Variants in MCF2L2 observed in about 807,000 individuals in gnomAD.
MCF2L2 encodes the protein probable guanine nucleotide exchange factor MCF2L2.
MCF2L2 carries 102 observed loss-of-function variants against 150.2 expected under a neutral mutation model. That is an observed-to-expected ratio of 0.68 (90% CI 0.58 to 0.80). The LOEUF is 0.80. Among genes scored for constraint, MCF2L2 ranks in the 30% least tolerant of loss-of-function variants. The pLI, the probability that MCF2L2 is intolerant of heterozygous loss-of-function variation, is 0.00. For synonymous variants in MCF2L2, 465 were observed against 491.3 expected (o/e 0.95, Z 0.71); for missense variants, 1,256 against 1,372.8 (o/e 0.91, Z 1.34).
intron 5 of MCF2L2, among the ~76,000 whole-genome samples, chr3:183,326,864 G>A (rs1577065675): frequency 6.6e-6 from 1 of 151,974 alleles, no homozygotes; most frequent in South Asian, 2.1e-4. Context: ...CTGAACCCCG[G>A]CAAACACTAA....
intron 27 of MCF2L2, among the ~76,000 whole-genome samples, chr3:183,186,588 G>A (rs1721703255): frequency 6.6e-6 from 1 of 152,216 alleles, no homozygotes. Context: ...TTAGCGAGGT[G>A]TGGTGGTGGG....
intron 1 of MCF2L2, among the ~76,000 whole-genome samples, chr3:183,390,771 C>T (rs1213205710): frequency 1.3e-5 from 2 of 152,116 alleles, no homozygotes; most frequent in Non-Finnish European, 2.9e-5. Context: ...GTGATGTATG[C>T]CTGCGGTCCC....
intron 1 of MCF2L2, among the ~76,000 whole-genome samples, chr3:183,391,066 A>G (rs1240420590): frequency 6.6e-6 from 1 of 152,146 alleles, no homozygotes; most frequent in East Asian, 1.9e-4. Context: ...TAACATTATG[A>G]TATTCTAGTG....
intron 15 of MCF2L2, chr3:183,269,803 G>A (rs115825683): frequency 0.011 from 17,317 of 1,602,328 alleles, 129 homozygotes; most frequent in Middle Eastern, 0.023. Context: ...GTGGATATGA[G>A]AATGTTGGTT....
chr3:183,250,314 G>A (rs550129304), intron 15 of MCF2L2, among the ~76,000 whole-genome samples: 3 of 152,198 alleles, frequency 2.0e-5, no homozygotes, highest in Non-Finnish European at 4.4e-5. Flanking sequence ...GGCTGGGAGC[G>A]GTGGTTCACG....
chr3:183,299,309 A>C (rs1728720223), intron 11 of MCF2L2: 1 of 152,274 alleles, frequency 6.6e-6, no homozygotes. Flanking sequence ...CTGCACCAGA[A>C]TCATTTAGAC....
chr3:183,285,227 G>A (rs1002803035), intron 14 of MCF2L2, among the ~76,000 whole-genome samples: 6 of 152,222 alleles, frequency 3.9e-5, no homozygotes, highest in Non-Finnish European at 7.3e-5. Context: ...GTCAGGTACA[G>A]TGCTAGCTGC....
intron 15 of MCF2L2, chr3:183,265,269 C>T (rs977232835): frequency 6.6e-6 from 1 of 152,264 alleles, no homozygotes; most frequent in Non-Finnish European, 1.5e-5. Context: ...GTTGATTGGC[C>T]ACTGACCCGT....
chr3:183,358,059 G>A (rs1711895051), intron 3 of MCF2L2, among the ~76,000 whole-genome samples: 1 of 152,116 alleles, frequency 6.6e-6, no homozygotes, highest in Non-Finnish European at 1.5e-5. Flanking sequence ...AGGCCGAGAA[G>A]GGCAGATGAC....
chr3:183,276,997 G>T, intron 14 of MCF2L2, 40 bp from the exon 15 acceptor site: 1 of 1,319,026 alleles, frequency 7.6e-7, no homozygotes. Context: ...GATATTGTAG[G>T]GACCTCCTAA....
intron 26 of MCF2L2, among the ~76,000 whole-genome samples, chr3:183,193,592 G>T (rs13314079): frequency 0.033 from 4,989 of 152,042 alleles, 273 homozygotes; most frequent in African/African-American, 0.11. Flanking sequence ...CTTGTGATCC[G>T]CCCGCCTTGG....
At chr3:183,238,529 G>A (rs890526606) in intron 15 of MCF2L2, among the ~76,000 whole-genome samples, 4 of 151,268 alleles carry the variant, frequency 2.6e-5, no homozygotes, top group African/African-American at 4.8e-5. Context: ...TCCTGACCTC[G>A]TGATCCACCC....
At chr3:183,286,087 GC>G (rs1177443118) in intron 14 of MCF2L2, among the ~76,000 whole-genome samples, 1 of 152,124 alleles carries the variant, frequency 6.6e-6, no homozygotes, top group Non-Finnish European at 1.5e-5. Flanking sequence ...AGTCTCAGCT[GC>G]CCTGTCAAGT....
chr3:183,422,188 C>T (rs1395701382), intron 1 of MCF2L2, among the ~76,000 whole-genome samples: 1 of 152,190 alleles, frequency 6.6e-6, no homozygotes. Flanking sequence ...GATAAACAAG[C>T]TGGCCTATGG....
In MCF2L2 at chr3:183,360,991, A is replaced by AGAGAAGAGAAG. The variant is rs1560040073; in HGVS notation, c.275+18305_275+18306insCTTCTCTTCTC. Among the ~76,000 whole-genome samples the AGAGAAGAGAAG allele has an allele frequency of 4.0e-4, 54 of 133,510 alleles. 1 individual carries two copies. Among genetic ancestry groups the AGAGAAGAGAAG allele is most frequent in the African/African-American group, 1.7e-3 (45 of 26,122 alleles). 87.6% of individuals were successfully genotyped at this position (133,510 alleles called of 152,430 possible). Reference sequence around the variant, plus strand: ...AAGAAAAGAAAAGAAAAGAAAAGAAAAGAAAAGAAAAGAAAAGAAAAGAAA... The same window carrying AGAGAAGAGAAG: ...AAGAAAAGAAAAGAAAAGAAAAGAAAGAGAAGAGAAGAGAAAAGAAAAGAAAAGAAAAGAAA... On this transcript the variant is annotated intron_variant, in intron 3 of 29. Coordinates refer to ENST00000328913, the MANE Select transcript of MCF2L2 (RefSeq NM_015078.4).
intron 3 of MCF2L2, among the ~76,000 whole-genome samples, chr3:183,344,360 T>A (rs959615909): frequency 6.6e-6 from 1 of 151,710 alleles, no homozygotes; most frequent in Non-Finnish European, 1.5e-5. Context: ...AAAGGAGAAA[T>A]AAAGGAACAA....
intron 3 of MCF2L2, among the ~76,000 whole-genome samples, chr3:183,342,294 G>A (rs983301023): frequency 5.9e-5 from 9 of 152,144 alleles, no homozygotes; most frequent in South Asian, 4.1e-4. Flanking sequence ...ACGGTACAGA[G>A]GAAAGAGCAA....
intron 27 of MCF2L2, among the ~76,000 whole-genome samples, chr3:183,182,263 C>A (rs763056726): frequency 6.6e-6 from 1 of 152,090 alleles, no homozygotes; most frequent in Non-Finnish European, 1.5e-5. Context: ...CAGGCCCTGA[C>A]AACGCAGAGA....
chr3:183,358,815 G>A (rs372695096), intron 3 of MCF2L2, among the ~76,000 whole-genome samples: 1 of 152,018 alleles, frequency 6.6e-6, no homozygotes, highest in African/African-American at 2.4e-5. Flanking sequence ...TGTAGAGACA[G>A]GGTCTTGCCG....
Sources: gnomAD v4.1 joint callset for allele counts (sites outside exome capture counted in the v4.1 genomes callset) on GRCh38, gnomAD v4.1.1 for gene constraint, MANE v1.5 for transcripts, NCBI Gene and HGNC (gene_info 2026-07-23, HGNC 2026-07-21) for gene names.